Variants in NECTIN3 observed in about 807,000 individuals in gnomAD.
NECTIN3 encodes the protein nectin cell adhesion molecule 3, also known as nectin-3.
In NECTIN3, 8 loss-of-function variants were observed where a neutral mutation model predicts 49.4. That is an observed-to-expected ratio of 0.16 (90% CI 0.10 to 0.29). The LOEUF is 0.29. Among genes scored for constraint, NECTIN3 ranks in the 10% least tolerant of loss-of-function variants. NECTIN3 has a pLI of 1.00. For missense variants in NECTIN3, 581 were observed against 654.6 expected, an observed-to-expected ratio of 0.89 and a Z score of 1.23; for synonymous variants, 277 against 241.1, an observed-to-expected ratio of 1.15 and a Z score of -1.38.
intron 1 of NECTIN3, among the ~76,000 whole-genome samples, chr3:111,085,128 A>G (rs1251216792): frequency 5.9e-5 from 9 of 152,240 alleles, no homozygotes; most frequent in Admixed American, 2.0e-4. Flanking sequence ...GACAAAAGTC[A>G]TATCGGATTA....
chr3:111,190,193 C>T (rs1044097050), upstream of NECTIN3, among the ~76,000 whole-genome samples: 2 of 152,148 alleles, frequency 1.3e-5, no homozygotes, highest in African/African-American at 2.4e-5. Flanking sequence ...CGTGACTGCC[C>T]CTGCCTTGGA....
chr3:111,159,407 A>G (rs1488557533), intron 7 of NECTIN3, among the ~76,000 whole-genome samples: 5 of 152,224 alleles, frequency 3.3e-5, no homozygotes, highest in Admixed American at 3.3e-4. Flanking sequence ...CAACTGAGTA[A>G]TCCTATCCTT....
At chr3:111,085,212 A>G (rs573316301) in intron 1 of NECTIN3, among the ~76,000 whole-genome samples, 11 of 152,232 alleles carry the variant, frequency 7.2e-5, no homozygotes, top group Non-Finnish European at 1.0e-4. Context: ...CTATTTCCAA[A>G]TAAGTTCACA....
chr3:111,192,518 CT>C, intron 1 of NECTIN3: 2 of 1,128,786 alleles, frequency 1.8e-6, no homozygotes, highest in East Asian at 2.6e-5. Context: ...CATCTTTCCC[CT>C]ATTTGAGTGT....
downstream of NECTIN3, among the ~76,000 whole-genome samples, chr3:111,141,664 T>C (rs1470314166): frequency 3.3e-5 from 5 of 151,904 alleles, no homozygotes; most frequent in Admixed American, 3.3e-4. Flanking sequence ...TTTTTGGAGG[T>C]AAGTTTCCAG....
chr3:111,130,511 T>G (rs2034348364), intron 5 of NECTIN3, among the ~76,000 whole-genome samples: 1 of 152,018 alleles, frequency 6.6e-6, no homozygotes, highest in Admixed American at 6.6e-5. Context: ...GTACTCATTT[T>G]CCTCTAGGAA....
intron 5 of NECTIN3, among the ~76,000 whole-genome samples, chr3:111,143,777 G>A (rs1305489085): frequency 2.0e-5 from 3 of 151,888 alleles, no homozygotes; most frequent in African/African-American, 7.2e-5. Flanking sequence ...GGTAATAGTG[G>A]AGGCTTCTAC....
chr3:111,096,644 C>T (rs369228336), intron 1 of NECTIN3, among the ~76,000 whole-genome samples: 1 of 152,148 alleles, frequency 6.6e-6, no homozygotes, highest in Admixed American at 6.5e-5. Flanking sequence ...CAGTCTAGGA[C>T]TTAGTATACT....
chr3:111,162,158 T>G (rs2035225711), intron 7 of NECTIN3, among the ~76,000 whole-genome samples: 1 of 152,172 alleles, frequency 6.6e-6, no homozygotes, highest in African/African-American at 2.4e-5. Context: ...CGCTTTGTGA[T>G]TTAACCTCTG....
intron 7 of NECTIN3, among the ~76,000 whole-genome samples, chr3:111,172,473 G>A (rs1274313837): frequency 6.6e-6 from 1 of 152,112 alleles, no homozygotes; most frequent in Non-Finnish European, 1.5e-5. Context: ...TTGTTTTACA[G>A]AACTTTGGAT....
intron 7 of NECTIN3, among the ~76,000 whole-genome samples, chr3:111,154,928 G>C (rs1184829682): frequency 6.6e-6 from 1 of 151,928 alleles, no homozygotes; most frequent in Admixed American, 6.6e-5. Context: ...TCTTTTGCTT[G>C]TCATTCTCTT....
At chr3:111,123,637 T>C (rs1417176080) in intron 4 of NECTIN3, among the ~76,000 whole-genome samples, 1 of 152,156 alleles carries the variant, frequency 6.6e-6, no homozygotes, top group Non-Finnish European at 1.5e-5. Flanking sequence ...TCTGTTGTTC[T>C]GTTGTGTATC....
chr3:111,094,097 T>G (rs1022674461), intron 1 of NECTIN3, among the ~76,000 whole-genome samples: 1 of 151,972 alleles, frequency 6.6e-6, no homozygotes, highest in Non-Finnish European at 1.5e-5. Context: ...GGCAATACTT[T>G]TGTATCACTT....
chr3:111,095,998 CT>C (rs2032563607), intron 1 of NECTIN3, among the ~76,000 whole-genome samples: 1 of 152,256 alleles, frequency 6.6e-6, no homozygotes, highest in African/African-American at 2.4e-5. Flanking sequence ...GTGGAAGTGA[CT>C]TTGGAACTGG....
chr3:111,101,083 T>C (rs1036334205), intron 1 of NECTIN3, among the ~76,000 whole-genome samples: 1 of 152,110 alleles, frequency 6.6e-6, no homozygotes, highest in South Asian at 2.1e-4. Context: ...TAACAGCAGA[T>C]CACTACCTCT....
rs1341095401 is a variant in NECTIN3 at position 111,136,664 on chromosome 3, TCTA to T, written c.*2453_*2455del. 1 of 909,168 alleles carries T rather than the reference TCTA, an allele frequency of 1.1e-6. No individual in the cohort carries two copies. Among genetic ancestry groups the T allele is most frequent in the Non-Finnish European group, 1.3e-6 (1 of 760,832 alleles). 56.3% of individuals were successfully genotyped at this position (909,168 alleles called of 1,614,324 possible). A position where few individuals can be genotyped will look rare whatever the true frequency, so the allele number is the denominator to read the frequency against. Reference sequence around the variant, plus strand: ...CTACTTGACAGGTATATATGAAAATTCTACTATCGTGAAAAAAAATGAATATTT... The same window carrying T: ...CTACTTGACAGGTATATATGAAAATTCTATCGTGAAAAAAAATGAATATTT... On this transcript the variant is annotated 3_prime_UTR_variant, in exon 6 of 6. Transcript: ENST00000485303.
At chr3:111,187,436 G>A (rs559075225), upstream of NECTIN3, among the ~76,000 whole-genome samples, 27 of 151,978 alleles carry the variant, frequency 1.8e-4, no homozygotes, top group Non-Finnish European at 2.6e-4. Context: ...TACTCTTACC[G>A]TATAACCTAG....
intron 3 of NECTIN3, among the ~76,000 whole-genome samples, chr3:111,121,726 G>A (rs1364866338): frequency 6.6e-6 from 1 of 152,022 alleles, no homozygotes; most frequent in African/African-American, 2.4e-5. Flanking sequence ...TGGTGACTTG[G>A]TACTACATGG....
chr3:111,144,829 A>G, intron 5 of NECTIN3: 1 of 1,455,274 alleles, frequency 6.9e-7, no homozygotes, highest in Non-Finnish European at 9.2e-7. Context: ...TGCACATTGT[A>G]GAAAAGGTAT....
Sources: gnomAD v4.1 joint callset for allele counts (sites outside exome capture counted in the v4.1 genomes callset) on GRCh38, gnomAD v4.1.1 for gene constraint, MANE v1.5 for transcripts, NCBI Gene and HGNC (gene_info 2026-07-23, HGNC 2026-07-21) for gene names.